The following DNAH9 variants were observed in gnomAD, a reference collection of about 807,000 sequenced individuals.
The protein encoded by DNAH9 is DNAH9 variant protein.
DNAH9 carries 345 observed loss-of-function variants against 471.6 expected under a neutral mutation model. That is an observed-to-expected ratio of 0.73 (90% CI 0.67 to 0.80). The LOEUF (loss-of-function observed/expected upper bound fraction) is 0.80, where lower values mean the gene tolerates loss of function less well. Among genes scored for constraint, DNAH9 ranks in the 30% least tolerant of loss-of-function variants. DNAH9 has a pLI of 0.00. For missense variants in DNAH9, 5,407 were observed against 5,609.2 expected (o/e 0.96, Z 1.15); for synonymous variants, 2,093 against 2,123.6 (o/e 0.99, Z 0.40).
Position 11,932,216 on chromosome 17 carries a change from T to C in DNAH9, c.12297+11T>C. 1 of 1,610,602 alleles carries C rather than the reference T, an allele frequency of 6.2e-7. No individual in the cohort carries two copies. The highest frequency in any genetic ancestry group is 8.5e-7 in the Non-Finnish European group (1 of 1,177,652). ...GAGGCCAACGCAAAGGTAAAGGCCA[T>C]GGACATTCAGGGACCAGCCAGGTTG... On this transcript the variant is annotated intron_variant, in intron 64 of 68. Transcript: ENST00000262442. The surrounding 1 kb of genome is among the most constrained non-coding windows in gnomAD (Gnocchi z 4.3).
At chr17:11,925,804 A>G (rs1003723609) in intron 62 of DNAH9, among the ~76,000 whole-genome samples, 3 of 152,186 alleles carry the variant, frequency 2.0e-5, no homozygotes, top group African/African-American at 7.2e-5. Context: ...AATTGTGCCA[A>G]ATAATCTGGA....
chr17:11,680,599 A>G, intron 18 of DNAH9, 124 bp from the exon 19 acceptor site: 1 of 757,162 alleles, frequency 1.3e-6, no homozygotes, highest in Non-Finnish European at 2.2e-6. Flanking sequence ...TGGGAAGATG[A>G]CACCACCACA....
At chr17:11,914,069 G>A (rs1367360282) in intron 61 of DNAH9, among the ~76,000 whole-genome samples, 1 of 152,178 alleles carries the variant, frequency 6.6e-6, no homozygotes, top group Non-Finnish European at 1.5e-5. Flanking sequence ...GCAAAGGCAA[G>A]TAATGTCTAG....
At chr17:11,831,421 C>G (rs1319707412) in intron 48 of DNAH9, among the ~76,000 whole-genome samples, 1 of 152,044 alleles carries the variant, frequency 6.6e-6, no homozygotes, top group African/African-American at 2.4e-5. Flanking sequence ...CTCACTCACC[C>G]ACCCCCACAG....
At chr17:11,899,152 AATAAGT>A (rs1973317379) in intron 59 of DNAH9, among the ~76,000 whole-genome samples, 1 of 150,562 alleles carries the variant, frequency 6.6e-6, no homozygotes, top group African/African-American at 2.4e-5. Flanking sequence ...AAAGAAACAA[AATAAGT>A]ATAATTGAAT....
In DNAH9 at chr17:11,797,619, A is replaced by G. The variant is rs772302572; in HGVS notation, c.8246A>G (p.Gln2749Arg). Residue 2749 changes from glutamine (Q) to arginine (R), a missense_variant, in exon 43 of 69, where the codon CAG (glutamine) becomes CGG (arginine). Physicochemically the swap from Gln to Arg is conservative, Grantham distance 43. Coordinates refer to ENST00000262442, the MANE Select transcript of DNAH9 (RefSeq NM_001372.4). ...TFDDIEDPVEQTQSPNLYCHF... is the reference protein window; with the variant it reads ...TFDDIEDPVERTQSPNLYCHF... ...CAGGATATTGAAGACCCTGTGGAGC[A>G]GACCCAAAGCCCGAACCTGTATTGT... is the stretch of plus-strand genomic sequence containing the variant. 3 of 1,613,574 alleles carry G rather than the reference A, an allele frequency of 1.9e-6. No homozygotes were observed. Among genetic ancestry groups the G allele is most frequent in the Non-Finnish European group, 2.5e-6 (3 of 1,179,930 alleles).
chr17:11,821,436 G>C (rs1474843709), intron 45 of DNAH9, among the ~76,000 whole-genome samples: 1 of 152,020 alleles, frequency 6.6e-6, no homozygotes, highest in Non-Finnish European at 1.5e-5. Flanking sequence ...AAGCCATTCT[G>C]CTTTCTCCCC....
intron 48 of DNAH9, among the ~76,000 whole-genome samples, chr17:11,830,149 T>C (rs1970638251): frequency 6.6e-6 from 1 of 152,202 alleles, no homozygotes; most frequent in African/African-American, 2.4e-5. Flanking sequence ...GGTGGCATCT[T>C]CTGTTTCTGC....
At chr17:11,942,512 G>A in intron 67 of DNAH9, 27 bp downstream of exon 67, 2 of 1,602,726 alleles carry the variant, frequency 1.2e-6, no homozygotes, top group Non-Finnish European at 1.7e-6. Context: ...AAGGCATGGA[G>A]GGGACATTGC....
intron 52 of DNAH9, chr17:11,873,519 G>A (rs903785263): frequency 6.6e-6 from 1 of 152,178 alleles, no homozygotes; most frequent in Non-Finnish European, 1.5e-5. Context: ...GATGGGAGAT[G>A]GTTTGGAGAG....
At chr17:11,674,746 A>C (rs1168922357) in intron 17 of DNAH9, among the ~76,000 whole-genome samples, 1 of 111,170 alleles carries the variant, frequency 9.0e-6, no homozygotes, top group Non-Finnish European at 2.2e-5. Context: ...GTCTTGTTAA[A>C]TAAATCCATT....
intron 52 of DNAH9, 55 bp from the exon 53 acceptor site, chr17:11,874,894 A>G: frequency 7.6e-7 from 1 of 1,324,424 alleles, no homozygotes; most frequent in Non-Finnish European, 1.1e-6. Context: ...CATTCATCCC[A>G]GCTGAGAATG....
In DNAH9 at chr17:11,933,961, T is replaced by C; in HGVS notation, c.12379T>C (p.Cys4127Arg). 6.2e-7 allele frequency: 1 copy of C among 1,614,214 alleles called. No individual in the cohort carries two copies. The highest frequency in any genetic ancestry group is 8.5e-7 in the Non-Finnish European group (1 of 1,180,028). Residue 4127 changes from cysteine (C) to arginine (R), a missense_variant, in exon 65 of 69, where the codon TGC becomes CGC. Physicochemically the swap from Cys to Arg is radical, Grantham distance 180. This residue lies in a region of DNAH9 where 4,636 missense variants were observed against 4,900.3 expected (regional missense o/e 0.95). Coordinates refer to ENST00000262442, the MANE Select transcript of DNAH9 (RefSeq NM_001372.4). ...HITDDWDRRL[C>R]RTYLGEFIRP... ...CACAGATGACTGGGACAGAAGACTC[T>C]GCAGAACCTACCTGGGGGAATTCAT...
In DNAH9 at chr17:11,701,238, C is replaced by G; in HGVS notation, c.5142C>G (p.His1714Gln). ...CGAGGGAGCAGTGGCTTTTTGACCA[C>G]CCAGCTCAGGTATTCTCCTAATGGG... ...EKPREQWLFD[H>Q]PAQVALTCTQ... Residue 1714 changes from histidine to glutamine, a missense_variant, in exon 24 of 69, where the codon CAC becomes CAG. This residue lies in a region of DNAH9 where 4,636 missense variants were observed against 4,900.3 expected (regional missense o/e 0.95). Coordinates refer to ENST00000262442, the MANE Select transcript of DNAH9 (RefSeq NM_001372.4). The G allele has an allele frequency of 1.2e-6, 2 of 1,613,382 alleles. No individual in the cohort carries two copies. The highest frequency in any genetic ancestry group is 1.7e-6 in the Non-Finnish European group (2 of 1,179,950).
rs887235011 is a variant in DNAH9, at chr17:11,756,757, C to G, written c.6847+81C>G. On this transcript the variant is annotated intron_variant, in intron 34 of 68. Transcript: ENST00000262442. ...GGCTTCACACGTAGTTTTGCTGGCT[C>G]AGAAGGAATCTCCACATGGGAGCCA... is the stretch of plus-strand genomic sequence containing the variant. 26 of 857,700 alleles carry G rather than the reference C, an allele frequency of 3.0e-5. No homozygotes were observed. The Admixed American group carries it at 4.8e-4, about 16-fold the overall frequency. 53.1% of individuals were successfully genotyped at this position (857,700 alleles called of 1,614,324 possible).
At chr17:11,797,390 A>G (rs1425654284) in intron 42 of DNAH9, among the ~76,000 whole-genome samples, 3 of 152,162 alleles carry the variant, frequency 2.0e-5, no homozygotes, top group Non-Finnish European at 2.9e-5. Context: ...TCCTTAAGGA[A>G]TAACAAACAT....
chr17:11,754,513 A>G (rs1190252894), intron 33 of DNAH9, among the ~76,000 whole-genome samples: 1 of 152,214 alleles, frequency 6.6e-6, no homozygotes, highest in Non-Finnish European at 1.5e-5. Flanking sequence ...CATTTTAATA[A>G]TAGCAATTCT....
rs1444708691 is a variant in DNAH9, at chr17:11,623,204, C to G, written c.1350+3423C>G. On this transcript the variant is annotated intron_variant, in intron 6 of 68. Coordinates refer to ENST00000262442, the MANE Select transcript of DNAH9 (RefSeq NM_001372.4). This position sits in a 1 kb window ranked among gnomAD's most constrained non-coding sequence, Gnocchi z 4.1. ...GGTCAGGCTGGTCTTGAACTCCCAA[C>G]CTCAGGAGATCCACCCAGCTTGGCC... is the stretch of plus-strand genomic sequence containing the variant. 6.6e-6 allele frequency among the ~76,000 whole-genome samples: 1 copy of G among 151,972 alleles called. No individual in the cohort carries two copies. Among genetic ancestry groups the G allele is most frequent in the Non-Finnish European group, 1.5e-5 (1 of 67,998 alleles).
intron 5 of DNAH9, among the ~76,000 whole-genome samples, chr17:11,619,166 G>A (rs1237089250): frequency 6.6e-6 from 1 of 152,220 alleles, no homozygotes; most frequent in African/African-American, 2.4e-5. Flanking sequence ...CCAGGTGTAA[G>A]CCTCTTCGAG....
Sources: allele counts gnomAD v4.1 joint callset (sites outside exome capture counted in the v4.1 genomes callset), GRCh38; gene constraint gnomAD v4.1.1; regional missense constraint gnomAD v4.1.1; non-coding constraint Gnocchi (gnomAD v3.1); transcripts MANE v1.5; gene names NCBI Gene and HGNC (gene_info 2026-07-23, HGNC 2026-07-21).